ITFG1: variants seen among roughly 807,000 people sequenced by gnomAD.
ITFG1 encodes the protein T-cell immunomodulatory protein.
In ITFG1, 34 loss-of-function variants were observed where a neutral mutation model predicts 81.8. The ratio of observed to expected loss-of-function variants is 0.42; its 90% CI spans 0.32 to 0.55. The LOEUF (loss-of-function observed/expected upper bound fraction) is 0.55, where lower values mean the gene tolerates loss of function less well. ITFG1 is among the 20% of genes least tolerant of loss of function. ITFG1 has a pLI of 0.17. For synonymous variants in ITFG1, 285 were observed against 270.6 expected (o/e 1.05, Z -0.52); for missense variants, 672 against 755.4 (o/e 0.89, Z 1.29).
intron 2 of ITFG1, among the ~76,000 whole-genome samples, chr16:47,457,842 T>A (rs143511918): frequency 6.6e-6 from 1 of 152,160 alleles, no homozygotes; most frequent in East Asian, 1.9e-4. Flanking sequence ...ACACTCAACT[T>A]CAGTTTCTTC....
At chr16:47,430,827 T>G (rs1472905940) in intron 5 of ITFG1, among the ~76,000 whole-genome samples, 2 of 152,154 alleles carry the variant, frequency 1.3e-5, no homozygotes, top group Non-Finnish European at 2.9e-5. Flanking sequence ...TAGCTATATA[T>G]CCAAGATAAT....
At position 47,284,451 on chromosome 16, in the gene ITFG1, A is replaced by C. The variant is rs190658012; in HGVS notation, c.1071-23756T>G. ...GTTCCTCACACTCACAAGTGTTTTA[A>C]TGTTCATAGATGAAACTCAGTTTAA... On this transcript the variant is annotated intron_variant, in intron 10 of 17. Transcript: ENST00000320640. Among the ~76,000 whole-genome samples, 398 of 152,312 alleles carry C rather than the reference A, an allele frequency of 2.6e-3. 2 individuals are homozygous for C. Among genetic ancestry groups the C allele is most frequent in the African/African-American group, 9.1e-3 (379 of 41,578 alleles).
chr16:47,453,944 G>T, intron 3 of ITFG1, 69 bp downstream of exon 3: 1 of 1,003,460 alleles, frequency 1.0e-6, no homozygotes, highest in Non-Finnish European at 1.5e-6. Context: ...ACTGATTTCA[G>T]AACAATATTT....
chr16:47,175,933 G>A (rs1170098992), intron 14 of ITFG1, among the ~76,000 whole-genome samples: 1 of 152,086 alleles, frequency 6.6e-6, no homozygotes, highest in Admixed American at 6.6e-5. Context: ...ACAAGTCCAG[G>A]GTGTGCTTCA....
At chr16:47,274,307 T>C (rs1180523521) in intron 10 of ITFG1, among the ~76,000 whole-genome samples, 1 of 152,104 alleles carries the variant, frequency 6.6e-6, no homozygotes, top group Non-Finnish European at 1.5e-5. Context: ...CTTATCATCT[T>C]GAGAAAAGTT....
At chr16:47,182,973 GGGAGTTCCCTTTCCTAGTCAAA>G (rs1280076022) in intron 14 of ITFG1, among the ~76,000 whole-genome samples, 1 of 152,230 alleles carries the variant, frequency 6.6e-6, no homozygotes, top group Non-Finnish European at 1.5e-5. Context: ...CAAGGGGTCA[GGGAGTTCCCTTTCCTAGTCAAA>G]GAAAGGGGTG....
At position 47,461,054 on chromosome 16, in the gene ITFG1, C is replaced by T. The variant is rs892693520; in HGVS notation, c.-9G>A. The T allele has an allele frequency of 4.6e-6, 7 of 1,531,036 alleles. No homozygotes were observed. In the South Asian group the frequency reaches 6.0e-5, roughly 13 times the overall value. 94.8% of individuals were successfully genotyped at this position (1,531,036 alleles called of 1,614,324 possible). A position where few individuals can be genotyped will look rare whatever the true frequency, so the allele number is the denominator to read the frequency against. On this transcript the variant is annotated 5_prime_UTR_variant, in exon 1 of 18. Transcript: ENST00000320640. ...CGGCCCGCCGCCGCCATGGCAGCCC[C>T]TCAGCCCCCGCCCGCCGGCCCAACG...
In ITFG1 at chr16:47,452,801, G is replaced by GATAT. The variant is rs144553201; in HGVS notation, c.428-15_428-12dup. 2.5e-5 allele frequency: 35 copies of GATAT among 1,383,466 alleles called. No homozygotes were observed. The highest frequency in any genetic ancestry group is 3.2e-5 in the Non-Finnish European group (32 of 1,001,902). The allele number at this position is 1,383,466 out of a possible 1,614,324, so 85.7% of individuals were successfully genotyped here. A position where few individuals can be genotyped will look rare whatever the true frequency, so the allele number is the denominator to read the frequency against. ...TCATATTGTTAGGATCTGCAAAAAA[G>GATAT]ATATATATATATATGAATTAGCAGG... On this transcript the variant is annotated splice_polypyrimidine_tract_variant and intron_variant, in intron 3 of 17. Coordinates refer to ENST00000320640, the MANE Select transcript of ITFG1 (RefSeq NM_030790.5).
At chr16:47,350,336 A>G (rs1183504961) in intron 8 of ITFG1, among the ~76,000 whole-genome samples, 1 of 152,166 alleles carries the variant, frequency 6.6e-6, no homozygotes, top group Non-Finnish European at 1.5e-5. Flanking sequence ...TAAAGAAGAA[A>G]AGAGAGAAGA....
At chr16:47,372,627 T>C (rs1968272083) in intron 7 of ITFG1, among the ~76,000 whole-genome samples, 1 of 152,002 alleles carries the variant, frequency 6.6e-6, no homozygotes, top group Non-Finnish European at 1.5e-5. Context: ...CTAATTTTTG[T>C]ATTTTTAGTA....
chr16:47,168,303 A>G (rs1964918161), intron 14 of ITFG1, among the ~76,000 whole-genome samples: 1 of 152,276 alleles, frequency 6.6e-6, no homozygotes, highest in East Asian at 1.9e-4. Context: ...TTCTTTTTAT[A>G]GTCTGGATAC....
At chr16:47,447,999 G>T (rs1471806602) in intron 5 of ITFG1, 2 of 152,170 alleles carry the variant, frequency 1.3e-5, no homozygotes, top group Non-Finnish European at 2.9e-5. Context: ...GGATGAGAGG[G>T]AGGGTGCTGC....
intron 10 of ITFG1, among the ~76,000 whole-genome samples, chr16:47,290,939 T>C (rs1418560019): frequency 1.3e-5 from 2 of 152,200 alleles, no homozygotes; most frequent in African/African-American, 4.8e-5. Flanking sequence ...AGCGACAAGG[T>C]TTAATTCTTG....
chr16:47,183,301 C>T (rs1160567558), intron 14 of ITFG1, among the ~76,000 whole-genome samples: 1 of 152,220 alleles, frequency 6.6e-6, no homozygotes, highest in Non-Finnish European at 1.5e-5. Context: ...GCCTGCCTGC[C>T]TCTGTAGGCT....
Position 47,238,013 on chromosome 16 carries a change from G to A in ITFG1, c.1331-5C>T. On this transcript the variant is annotated splice_region_variant and splice_polypyrimidine_tract_variant and intron_variant, in intron 12 of 17. Coordinates refer to ENST00000320640, the MANE Select transcript of ITFG1 (RefSeq NM_030790.5). ...TAGAACACAGACCACTAAGAACTGT[G>A]GAAAAATAAACAGGCAATTATTACT... 1 of 1,461,622 alleles carries A rather than the reference G, an allele frequency of 6.8e-7. No individual in the cohort carries two copies. The highest frequency in any genetic ancestry group is 2.5e-5 in the East Asian group (1 of 39,824). The allele number at this position is 1,461,622 out of a possible 1,614,324, so 90.5% of individuals were successfully genotyped here. A position where few individuals can be genotyped will look rare whatever the true frequency, so the allele number is the denominator to read the frequency against.
intron 8 of ITFG1, among the ~76,000 whole-genome samples, chr16:47,347,452 G>C (rs1028405474): frequency 6.6e-6 from 1 of 152,246 alleles, no homozygotes; most frequent in East Asian, 1.9e-4. Context: ...CATTGCTAGC[G>C]CAGCAGTCTG....
intron 10 of ITFG1, among the ~76,000 whole-genome samples, chr16:47,292,422 TTA>T (rs1208205823): frequency 6.6e-6 from 1 of 152,172 alleles, no homozygotes; most frequent in African/African-American, 2.4e-5. Flanking sequence ...GAAAAAGACT[TTA>T]GAGTTTCATT....
chr16:47,421,369 G>T (rs369362155), intron 6 of ITFG1, among the ~76,000 whole-genome samples: 8 of 151,692 alleles, frequency 5.3e-5, no homozygotes, highest in African/African-American at 1.9e-4. Flanking sequence ...GCAGTGGCGC[G>T]ATCCTGGCTC....
intron 7 of ITFG1, among the ~76,000 whole-genome samples, chr16:47,367,963 C>T (rs887815374): frequency 6.6e-6 from 1 of 152,134 alleles, no homozygotes; most frequent in Non-Finnish European, 1.5e-5. Flanking sequence ...ATTGGCCCAG[C>T]GCAGTGGCTC....
Sources: allele counts gnomAD v4.1 joint callset (sites outside exome capture counted in the v4.1 genomes callset), GRCh38; gene constraint gnomAD v4.1.1; transcripts MANE v1.5; gene names NCBI Gene and HGNC (gene_info 2026-07-23, HGNC 2026-07-21).